Variants in ZC2HC1A observed in about 807,000 individuals in gnomAD.
ZC2HC1A encodes the protein zinc finger C2HC-type containing 1A, also known as zinc finger C2HC domain-containing protein 1A.
Under a neutral mutation model 40.7 loss-of-function variants are expected in ZC2HC1A, and 28 were observed. The observed-to-expected ratio is 0.69, with a 90% CI of 0.51 to 0.94. ZC2HC1A has a LOEUF of 0.94. ZC2HC1A is among the 40% of genes least tolerant of loss of function. ZC2HC1A has a pLI of 0.00. For missense variants in ZC2HC1A, 389 were observed against 386.3 expected (o/e 1.01, Z -0.06); for synonymous variants, 129 against 129.2 (o/e 1.00, Z 0.01).
chr8:78,671,586 A>G (rs1457656518), intron 1 of ZC2HC1A, among the ~76,000 whole-genome samples: 1 of 152,210 alleles, frequency 6.6e-6, no homozygotes, highest in South Asian at 2.1e-4. Flanking sequence ...TTTATATGTA[A>G]TAATTGATCC....
chr8:78,707,313 A>G (rs1310889838), intron 7 of ZC2HC1A, among the ~76,000 whole-genome samples: 1 of 152,220 alleles, frequency 6.6e-6, no homozygotes, highest in Non-Finnish European at 1.5e-5. Flanking sequence ...ATTCCTAGAT[A>G]GGACGTGTAA....
intron 5 of ZC2HC1A, among the ~76,000 whole-genome samples, chr8:78,693,416 T>G (rs1406073068): frequency 6.6e-6 from 1 of 152,260 alleles, no homozygotes; most frequent in Non-Finnish European, 1.5e-5. Flanking sequence ...TTTTTAATTA[T>G]CGCCATTCTA....
Position 78,686,469 on chromosome 8 carries a change from A to G in ZC2HC1A, c.213A>G (p.Pro71=). ...TTTATTTATTTATTTATTTATAGCC[A>G]GAACCACCAAAGAAACCATCTAATT... The part of the protein sequence containing the change: ...IPTVKPLKPR[P]EPPKKPSNWR... The change falls in exon 4 of 9, where the codon CCA becomes CCG. Residue 71 remains proline, a splice_region_variant and synonymous_variant. Transcript: ENST00000263849. 1 of 1,453,572 alleles carries G rather than the reference A, an allele frequency of 6.9e-7. No homozygotes were observed. The highest frequency in any genetic ancestry group is 9.1e-7 in the Non-Finnish European group (1 of 1,101,014). 90.0% of individuals were successfully genotyped at this position (1,453,572 alleles called of 1,614,324 possible).
Position 78,697,438 on chromosome 8 carries a change from C to A in ZC2HC1A, c.536C>A (p.Ser179Tyr). The A allele has an allele frequency of 1.2e-6, 2 of 1,606,258 alleles. No homozygotes were observed. Among genetic ancestry groups the A allele is most frequent in the Non-Finnish European group, 1.7e-6 (2 of 1,177,762 alleles). Residue 179 changes from serine to tyrosine, a missense_variant, in exon 6 of 9, where the codon TCT (serine) becomes TAT (tyrosine). Coordinates refer to ENST00000263849, the MANE Select transcript of ZC2HC1A (RefSeq NM_016010.3). ...YKPPALKKSN[S>Y]PGTASSGSSR... ...CCACCCGCACTTAAAAAGTCAAATTCTCCTGGAACTGCATCATCAGGATCT... is the reference window on the plus strand; with the variant it reads ...CCACCCGCACTTAAAAAGTCAAATTATCCTGGAACTGCATCATCAGGATCT...
intron 1 of ZC2HC1A, among the ~76,000 whole-genome samples, chr8:78,669,549 G>A (rs530832928): frequency 6.8e-6 from 1 of 146,968 alleles, no homozygotes; most frequent in Non-Finnish European, 1.5e-5. Context: ...AGGTGAAAGA[G>A]ATTTGTCAGC....
intron 7 of ZC2HC1A, among the ~76,000 whole-genome samples, chr8:78,703,966 A>AACAGGTCTTGTAAC (rs1332879974): frequency 6.6e-6 from 1 of 152,160 alleles, no homozygotes; most frequent in Non-Finnish European, 1.5e-5. Flanking sequence ...GAGCTCTTGT[A>AACAGGTCTTGTAAC]AGGCAGGTCT....
rs550075145 is a variant in ZC2HC1A at position 78,678,771 on chromosome 8, C to T, written c.210+92C>T. 9.3e-6 allele frequency: 7 copies of T among 751,000 alleles called. No homozygotes were observed. In the Admixed American group the frequency reaches 2.0e-4, roughly 22 times the overall value. 46.5% of individuals were successfully genotyped at this position (751,000 alleles called of 1,614,324 possible). A position where few individuals can be genotyped will look rare whatever the true frequency, so the allele number is the denominator to read the frequency against. On this transcript the variant is annotated intron_variant, in intron 3 of 8. Coordinates refer to ENST00000263849, the MANE Select transcript of ZC2HC1A (RefSeq NM_016010.3). ...CTGTTACAGTAAGGTTAAGAATAAA[C>T]ACAATTATCTGCTACATTAAGATTA...
At chr8:78,691,859 T>G (rs986166415) in intron 5 of ZC2HC1A, among the ~76,000 whole-genome samples, 1 of 152,156 alleles carries the variant, frequency 6.6e-6, no homozygotes, top group African/African-American at 2.4e-5. Flanking sequence ...GTACTCTTGA[T>G]GTGTATTGTT....
At chr8:78,709,521 A>C (rs1266494418) in intron 7 of ZC2HC1A, among the ~76,000 whole-genome samples, 1 of 152,100 alleles carries the variant, frequency 6.6e-6, no homozygotes, top group Non-Finnish European at 1.5e-5. Flanking sequence ...ATAGGGAGCT[A>C]ACTTTGCTGT....
At chr8:78,688,952 A>G (rs1810114918) in intron 4 of ZC2HC1A, among the ~76,000 whole-genome samples, 4 of 152,020 alleles carry the variant, frequency 2.6e-5, no homozygotes, top group African/African-American at 2.4e-5. Context: ...ACTCTTTTGT[A>G]CTAAGGATTT....
At chr8:78,714,330 T>C (rs1811034180) in intron 7 of ZC2HC1A, among the ~76,000 whole-genome samples, 1 of 152,150 alleles carries the variant, frequency 6.6e-6, no homozygotes, top group Non-Finnish European at 1.5e-5. Context: ...ATGGGCAAAA[T>C]AATTAGAATT....
At chr8:78,683,565 G>A (rs746827170) in intron 3 of ZC2HC1A, among the ~76,000 whole-genome samples, 45 of 152,200 alleles carry the variant, frequency 3.0e-4, no homozygotes, top group Non-Finnish European at 1.9e-4. Context: ...CCTGGACCTG[G>A]CCTAGGAAAC....
intron 5 of ZC2HC1A, among the ~76,000 whole-genome samples, chr8:78,693,882 T>C (rs1451618138): frequency 6.6e-6 from 1 of 152,244 alleles, no homozygotes; most frequent in East Asian, 1.9e-4. Flanking sequence ...CACTTAAGTC[T>C]TTAATCCATC....
At chr8:78,668,544 G>A (rs181379832) in intron 1 of ZC2HC1A, among the ~76,000 whole-genome samples, 7 of 152,070 alleles carry the variant, frequency 4.6e-5, no homozygotes, top group African/African-American at 1.4e-4. Flanking sequence ...TATAACTTAC[G>A]TTATTTGCAT....
chr8:78,707,438 A>G (rs1385243360), intron 7 of ZC2HC1A, among the ~76,000 whole-genome samples: 1 of 152,204 alleles, frequency 6.6e-6, no homozygotes, highest in East Asian at 1.9e-4. Flanking sequence ...ATGCTGTGAC[A>G]TATTGTCTGA....
chr8:78,713,562 A>G (rs1446451476), intron 7 of ZC2HC1A, among the ~76,000 whole-genome samples: 1 of 152,190 alleles, frequency 6.6e-6, no homozygotes, highest in Non-Finnish European at 1.5e-5. Flanking sequence ...GTTCTACAAC[A>G]TCCCCAAAGA....
chr8:78,697,329 T>C, intron 5 of ZC2HC1A, 78 bp from the exon 6 acceptor site: 1 of 1,157,652 alleles, frequency 8.6e-7, no homozygotes, highest in Non-Finnish European at 1.2e-6. Context: ...ACCCAAAGAA[T>C]GTTAAGTTTT....
Position 78,687,772 on chromosome 8 carries a change from A to T in ZC2HC1A, c.352+1164A>T, listed in dbSNP as rs1222468255. ...ATTATATATATTTACGTAAGACATTATATATATATTTACGTAATACATTAT... is the reference window on the plus strand; with the variant it reads ...ATTATATATATTTACGTAAGACATTTTATATATATTTACGTAATACATTAT... On this transcript the variant is annotated intron_variant, in intron 4 of 8. Coordinates refer to ENST00000263849, the MANE Select transcript of ZC2HC1A (RefSeq NM_016010.3). 7.7e-5 allele frequency among the ~76,000 whole-genome samples: 2 copies of T among 25,848 alleles called. 1 individual carries two copies. The highest frequency in any genetic ancestry group is 1.3e-3 in the East Asian group (2 of 1,536). The allele number at this position is 25,848 out of a possible 152,430, so 17.0% of individuals were successfully genotyped here.
chr8:78,713,669 T>TGCTTG (rs1301931456), intron 7 of ZC2HC1A, among the ~76,000 whole-genome samples: 1 of 152,184 alleles, frequency 6.6e-6, no homozygotes, highest in Non-Finnish European at 1.5e-5. Flanking sequence ...AGTGATTCTT[T>TGCTTG]GCTTGTTGAA....
Sources: allele counts gnomAD v4.1 joint callset (sites outside exome capture counted in the v4.1 genomes callset), GRCh38; gene constraint gnomAD v4.1.1; transcripts MANE v1.5; gene names NCBI Gene and HGNC (gene_info 2026-07-23, HGNC 2026-07-21).